LINGO2: variants seen among roughly 807,000 people sequenced by gnomAD.
LINGO2 encodes the protein leucine-rich repeat and immunoglobulin-like domain-containing nogo receptor-interacting protein 2.
In LINGO2, 14 loss-of-function variants were observed where a neutral mutation model predicts 30.6. The ratio of observed to expected loss-of-function variants is 0.46; its 90% CI spans 0.30 to 0.72. The LOEUF is 0.72. Among genes scored for constraint, LINGO2 ranks in the 30% least tolerant of loss-of-function variants. The pLI is 0.07. For synonymous variants in LINGO2, 317 were observed against 288.5 expected (o/e 1.10, Z -1.00); for missense variants, 729 against 751.7 (o/e 0.97, Z 0.35).
chr9:28,486,265 G>T (rs1826160013), intron 1 of LINGO2, among the ~76,000 whole-genome samples: 1 of 152,088 alleles, frequency 6.6e-6, no homozygotes, highest in African/African-American at 2.4e-5. Context: ...AACAGGCACA[G>T]CAATGACAAT....
chr9:27,971,280 T>C (rs1820340334), intron 5 of LINGO2, among the ~76,000 whole-genome samples: 1 of 152,010 alleles, frequency 6.6e-6, no homozygotes, highest in Admixed American at 6.6e-5. Context: ...TATTATGCCC[T>C]CTTCCCTTCC....
At chr9:28,422,185 GA>G (rs1823222736) in intron 2 of LINGO2, among the ~76,000 whole-genome samples, 1 of 151,970 alleles carries the variant, frequency 6.6e-6, no homozygotes, top group South Asian at 2.1e-4. Flanking sequence ...TATCAAAATT[GA>G]AATTGTGCAT....
At chr9:27,990,923 CT>C (rs1288685974) in intron 5 of LINGO2, among the ~76,000 whole-genome samples, 2 of 152,038 alleles carry the variant, frequency 1.3e-5, no homozygotes. Flanking sequence ...TGAACTTGCT[CT>C]CCTGAAGAAA....
At chr9:28,032,174 C>A (rs933836738) in intron 4 of LINGO2, among the ~76,000 whole-genome samples, 4 of 151,946 alleles carry the variant, frequency 2.6e-5, no homozygotes, top group African/African-American at 9.7e-5. Flanking sequence ...TATGGGCATT[C>A]ACAATTCCAC....
the LINGO2 span, among the ~76,000 whole-genome samples, chr9:28,901,065 A>G: frequency 6.6e-6 from 1 of 152,318 alleles, no homozygotes; most frequent in Non-Finnish European, 1.5e-5. Flanking sequence ...CTTAAAAACA[A>G]TAAGAGACTA....
At chr9:28,199,269 C>T (rs1820129302) in intron 4 of LINGO2, among the ~76,000 whole-genome samples, 1 of 151,864 alleles carries the variant, frequency 6.6e-6, no homozygotes, top group Non-Finnish European at 1.5e-5. Context: ...TTCATTAAAT[C>T]CAAGGGTTAT....
chr9:28,786,382 C>G, the LINGO2 span, among the ~76,000 whole-genome samples: 1 of 152,062 alleles, frequency 6.6e-6, no homozygotes, highest in Non-Finnish European at 1.5e-5. Context: ...AGTAAGGAAT[C>G]CTTCTGTATC....
chr9:28,288,326 T>A (rs1823593509), intron 4 of LINGO2, among the ~76,000 whole-genome samples: 1 of 152,132 alleles, frequency 6.6e-6, no homozygotes, highest in African/African-American at 2.4e-5. Flanking sequence ...ACTCTGAGCC[T>A]CAAATACCTT....
Position 27,957,800 on chromosome 9 carries a change from C to T in LINGO2, c.-35-7094G>A, listed in dbSNP as rs576855748. ...TTAAATTAATAAATCTATGGAGAAT[C>T]GATATTATAACAGTATTGAACAACT... is the stretch of plus-strand genomic sequence containing the variant. On this transcript the variant is annotated intron_variant, in intron 5 of 5. Transcript: ENST00000379992. Among the ~76,000 whole-genome samples the T allele has an allele frequency of 3.3e-5, 5 of 152,200 alleles. No homozygotes were observed. The South Asian group carries it at 8.3e-4, about 25-fold the overall frequency.
At chr9:28,433,949 C>CTCTCTCTCTCTCTCTATATATATATA (rs1225323260) in intron 2 of LINGO2, among the ~76,000 whole-genome samples, 11 of 88,540 alleles carry the variant, frequency 1.2e-4, no homozygotes, top group African/African-American at 4.0e-4. Flanking sequence ...CTCTCTCTCT[C>CTCTCTCTCTCTCTCTATATATATATA]TATATATATA....
At chr9:28,717,119 C>T in the LINGO2 span, among the ~76,000 whole-genome samples, 1 of 151,688 alleles carries the variant, frequency 6.6e-6, no homozygotes, top group East Asian at 1.9e-4. Flanking sequence ...CTGTCAAGTT[C>T]ACAGAGGTAT....
chr9:28,348,463 C>T (rs974192834), intron 3 of LINGO2, among the ~76,000 whole-genome samples: 13 of 152,178 alleles, frequency 8.5e-5, no homozygotes, highest in East Asian at 3.9e-4. Context: ...CGGCACACCA[C>T]GAGATTATAT....
the LINGO2 span, among the ~76,000 whole-genome samples, chr9:28,916,654 T>C: frequency 4.5e-4 from 69 of 152,240 alleles, no homozygotes; most frequent in African/African-American, 1.5e-3. Context: ...CATGTATTGA[T>C]TGACGTTTAT....
chr9:29,197,456 G>T, the LINGO2 span, among the ~76,000 whole-genome samples: 5 of 151,962 alleles, frequency 3.3e-5, 1 homozygote, highest in African/African-American at 1.2e-4. Context: ...TTACATGAGG[G>T]ACTGTGAATC....
the LINGO2 span, among the ~76,000 whole-genome samples, chr9:29,168,927 A>G: frequency 6.6e-6 from 1 of 152,220 alleles, no homozygotes; most frequent in African/African-American, 2.4e-5. Flanking sequence ...TATTAAAGAT[A>G]TAAGGTTTTA....
At chr9:29,167,744 T>A in the LINGO2 span, among the ~76,000 whole-genome samples, 1 of 152,204 alleles carries the variant, frequency 6.6e-6, no homozygotes, top group East Asian at 1.9e-4. Context: ...GTATCTCATT[T>A]GTATAAAAAT....
the LINGO2 span, among the ~76,000 whole-genome samples, chr9:28,949,764 G>A: frequency 6.6e-6 from 1 of 152,098 alleles, no homozygotes; most frequent in African/African-American, 2.4e-5. Context: ...ATTTTATGAG[G>A]CTAGCATCAT....
At chr9:28,168,622 G>C (rs1828497784) in intron 4 of LINGO2, among the ~76,000 whole-genome samples, 1 of 152,158 alleles carries the variant, frequency 6.6e-6, no homozygotes, top group African/African-American at 2.4e-5. Flanking sequence ...TTTCAAAATG[G>C]GCAAGTAACG....
At chr9:28,972,917 A>C in the LINGO2 span, among the ~76,000 whole-genome samples, 1 of 152,120 alleles carries the variant, frequency 6.6e-6, no homozygotes, top group Non-Finnish European at 1.5e-5. Context: ...GGTCCCTCCC[A>C]CAACACGTGG....
Sources: allele counts gnomAD v4.1 joint callset (sites outside exome capture counted in the v4.1 genomes callset), GRCh38; gene constraint gnomAD v4.1.1; transcripts MANE v1.5; gene names NCBI Gene and HGNC (gene_info 2026-07-23, HGNC 2026-07-21).